The following SLC24A2 variants were observed in gnomAD, a reference collection of about 807,000 sequenced individuals.
SLC24A2 encodes the protein solute carrier family 24 member 2, also known as sodium/potassium/calcium exchanger 2.
A neutral mutation model predicts 62.0 loss-of-function variants in SLC24A2; 36 were observed. The ratio of observed to expected loss-of-function variants is 0.58; its 90% CI spans 0.44 to 0.77. The LOEUF (loss-of-function observed/expected upper bound fraction) is 0.77, where lower values mean the gene tolerates loss of function less well. Among genes scored for constraint, SLC24A2 ranks in the 30% least tolerant of loss-of-function variants. The probability of loss-of-function intolerance (pLI) is 0.00; values close to 1 mark genes in which losing one functional copy is unlikely to be tolerated. For synonymous variants in SLC24A2, 358 were observed against 294.0 expected (o/e 1.22, Z -2.23); for missense variants, 846 against 817.9 (o/e 1.03, Z -0.42).
chr9:20,300,962 C>T, the SLC24A2 span, among the ~76,000 whole-genome samples: 1 of 152,182 alleles, frequency 6.6e-6, no homozygotes, highest in Non-Finnish European at 1.5e-5. Flanking sequence ...GTACAACATA[C>T]ACACACAAAC....
At chr9:20,063,359 G>A in the SLC24A2 span, among the ~76,000 whole-genome samples, 61,466 of 148,692 alleles carry the variant, frequency 0.41, 13,353 homozygotes, top group East Asian at 0.7. Context: ...GGATGAAATC[G>A]GAAATCATCA....
chr9:20,081,920 T>C, the SLC24A2 span, among the ~76,000 whole-genome samples: 1 of 152,156 alleles, frequency 6.6e-6, no homozygotes, highest in Non-Finnish European at 1.5e-5. Context: ...CTCAGATGGA[T>C]TGTATTGTAG....
the SLC24A2 span, among the ~76,000 whole-genome samples, chr9:19,943,587 A>G: frequency 0.48 from 72,764 of 151,914 alleles, 17,892 homozygotes; most frequent in Non-Finnish European, 0.52. Flanking sequence ...ATACTAAAAG[A>G]AAACTCAAGA....
chr9:20,038,794 G>C, the SLC24A2 span, among the ~76,000 whole-genome samples: 3 of 152,176 alleles, frequency 2.0e-5, no homozygotes, highest in Non-Finnish European at 4.4e-5. Context: ...CAGTGGCACA[G>C]ATAATAGAAG....
At chr9:20,209,920 T>C in the SLC24A2 span, among the ~76,000 whole-genome samples, 1 of 152,196 alleles carries the variant, frequency 6.6e-6, no homozygotes, top group African/African-American at 2.4e-5. Flanking sequence ...ACCATCCTTC[T>C]TGACCTTGAT....
the SLC24A2 span, among the ~76,000 whole-genome samples, chr9:20,066,666 G>A: frequency 6.6e-6 from 1 of 152,096 alleles, no homozygotes; most frequent in African/African-American, 2.4e-5. Context: ...TAATTAAATG[G>A]TATTTTAGTT....
the SLC24A2 span, among the ~76,000 whole-genome samples, chr9:19,801,332 G>T: frequency 1.3e-5 from 2 of 152,218 alleles, no homozygotes; most frequent in Non-Finnish European, 2.9e-5. Flanking sequence ...GCCTGACTGG[G>T]AGTGGCAGTG....
intron 2 of SLC24A2, among the ~76,000 whole-genome samples, chr9:19,673,556 C>G (rs191666921): frequency 6.6e-6 from 1 of 152,166 alleles, no homozygotes; most frequent in Non-Finnish European, 1.5e-5. Flanking sequence ...TCAAGTGATT[C>G]TCCTGCCTCA....
chr9:19,555,787 A>G (rs1835060242), intron 7 of SLC24A2, among the ~76,000 whole-genome samples: 1 of 152,164 alleles, frequency 6.6e-6, no homozygotes, highest in Non-Finnish European at 1.5e-5. Context: ...TCTACTAAAA[A>G]TACAAAAATT....
At chr9:20,168,605 T>C in the SLC24A2 span, among the ~76,000 whole-genome samples, 2 of 151,988 alleles carry the variant, frequency 1.3e-5, no homozygotes, top group Non-Finnish European at 1.5e-5. Context: ...GAAAAGATGC[T>C]TCATATCATT....
chr9:19,914,434 C>G, the SLC24A2 span, among the ~76,000 whole-genome samples: 1 of 152,132 alleles, frequency 6.6e-6, no homozygotes, highest in South Asian at 2.1e-4. Context: ...CTCTCTCCCA[C>G]AACTTGTATT....
the SLC24A2 span, among the ~76,000 whole-genome samples, chr9:20,008,548 T>C: frequency 6.6e-6 from 1 of 152,168 alleles, no homozygotes; most frequent in African/African-American, 2.4e-5. Context: ...CATAGCCACC[T>C]TGGCAGCTCC....
chr9:19,629,444 G>T (rs1818121552), intron 2 of SLC24A2, among the ~76,000 whole-genome samples: 1 of 152,190 alleles, frequency 6.6e-6, no homozygotes, highest in Admixed American at 6.5e-5. Context: ...TAGTATCTGG[G>T]AGTAGAGAAA....
At chr9:19,517,677 G>A (rs1024969548) in intron 10 of SLC24A2, among the ~76,000 whole-genome samples, 1 of 152,064 alleles carries the variant, frequency 6.6e-6, no homozygotes, top group African/African-American at 2.4e-5. Flanking sequence ...GCTTCTTTCT[G>A]TGAACTTGTT....
At chr9:19,993,247 C>A in the SLC24A2 span, among the ~76,000 whole-genome samples, 24 of 152,136 alleles carry the variant, frequency 1.6e-4, no homozygotes, top group Admixed American at 3.9e-4. Flanking sequence ...CAGAATTTCC[C>A]GAGCTTCGTT....
the SLC24A2 span, among the ~76,000 whole-genome samples, chr9:20,187,497 T>G: frequency 6.6e-6 from 1 of 152,198 alleles, no homozygotes. Context: ...CCTCATCTCA[T>G]GCCCTTCCTC....
intron 10 of SLC24A2, 43 bp downstream of exon 10, chr9:19,520,851 T>G (rs752340949): frequency 6.3e-7 from 1 of 1,593,194 alleles, no homozygotes; most frequent in South Asian, 1.1e-5. Context: ...ACAAAGACAC[T>G]GGTGGAGCTG....
At chr9:19,664,335 AT>A (rs2118263686) in intron 2 of SLC24A2, among the ~76,000 whole-genome samples, 1 of 152,322 alleles carries the variant, frequency 6.6e-6, no homozygotes, top group Admixed American at 6.5e-5. Context: ...TTACAAATAA[AT>A]TTTTAAAGAA....
intron 2 of SLC24A2, among the ~76,000 whole-genome samples, chr9:19,636,197 A>G (rs1818307158): frequency 6.6e-6 from 1 of 152,146 alleles, no homozygotes; most frequent in African/African-American, 2.4e-5. Context: ...GCTTATTGGT[A>G]GACAATACTA....
Sources: allele counts gnomAD v4.1 joint callset (sites outside exome capture counted in the v4.1 genomes callset), GRCh38; gene constraint gnomAD v4.1.1; transcripts MANE v1.5; gene names NCBI Gene and HGNC (gene_info 2026-07-23, HGNC 2026-07-21).